The following WDR17 variants were observed in gnomAD, a reference collection of about 807,000 sequenced individuals.
The protein encoded by WDR17 is WD repeat-containing protein 17.
A neutral mutation model predicts 161.7 loss-of-function variants in WDR17; 143 were observed. The observed-to-expected ratio is 0.88, with a 90% CI of 0.77 to 1.02. WDR17 has a LOEUF of 1.02. Among genes scored for constraint, WDR17 ranks in the 50% least tolerant of loss-of-function variants. WDR17 has a pLI of 0.00. For missense variants in WDR17, 1,469 were observed against 1,520.9 expected (o/e 0.97, Z 0.57); for synonymous variants, 517 against 515.6 (o/e 1.00, Z -0.04).
Position 176,163,077 on chromosome 4 carries a change from C to A in WDR17, c.2851-77C>A, listed in dbSNP as rs777839579. On this transcript the variant is annotated intron_variant, in intron 21 of 28. Transcript: ENST00000508596. ...TTATAGGTTAATACTGCTTTATCTGCTTTATGAGCTTGGAGGGGAATGATG... is the reference window on the plus strand; with the variant it reads ...TTATAGGTTAATACTGCTTTATCTGATTTATGAGCTTGGAGGGGAATGATG... The A allele has an allele frequency of 1.9e-6, 3 of 1,551,416 alleles. No individual in the cohort carries two copies. In the East Asian group the frequency reaches 6.7e-5, roughly 35 times the overall value.
intron 26 of WDR17, 144 bp from the exon 27 acceptor site, chr4:176,176,914 A>G (rs1191419276): frequency 3.5e-6 from 2 of 578,332 alleles, no homozygotes; most frequent in East Asian, 2.9e-5. Flanking sequence ...ATATACTAGA[A>G]AATATTCTAT....
At chr4:176,092,877 A>C (rs767154127) in intron 1 of WDR17, among the ~76,000 whole-genome samples, 7 of 152,112 alleles carry the variant, frequency 4.6e-5, no homozygotes, top group Non-Finnish European at 1.0e-4. Context: ...AGCCGTCTCT[A>C]CTAAAAATAC....
chr4:176,148,887 A>G (rs1435951265), intron 13 of WDR17, among the ~76,000 whole-genome samples: 1 of 152,118 alleles, frequency 6.6e-6, no homozygotes, highest in Non-Finnish European at 1.5e-5. Context: ...GTTTGTATTT[A>G]TTCTCATCCT....
chr4:176,132,767 G>C (rs778299208), intron 7 of WDR17, among the ~76,000 whole-genome samples: 1 of 150,900 alleles, frequency 6.6e-6, no homozygotes, highest in East Asian at 1.9e-4. Context: ...TAAACTTTTT[G>C]TATACTTCAA....
rs376684760 is a variant in WDR17 at position 176,152,004 on chromosome 4, A to G, written c.2460+37A>G. The G allele has an allele frequency of 3.2e-6, 5 of 1,585,224 alleles. No individual in the cohort carries two copies. The African/African-American group carries it at 5.5e-5, about 17-fold the overall frequency. The stretch of plus-strand genomic sequence containing the variant: ...TGAAAGTAAAACTAATGAGTTTAAC[A>G]TAGTAGTCTAAACGTTAAGAATATA... On this transcript the variant is annotated intron_variant, in intron 17 of 28. Transcript: ENST00000508596.
chr4:176,102,589 A>G (rs906121873), intron 1 of WDR17, among the ~76,000 whole-genome samples: 26 of 152,264 alleles, frequency 1.7e-4, no homozygotes, highest in Non-Finnish European at 3.4e-4. Flanking sequence ...ACACAGAAGC[A>G]ACAAGTATGT....
intron 18 of WDR17, among the ~76,000 whole-genome samples, chr4:176,159,249 G>A (rs1211949521): frequency 8.8e-5 from 13 of 147,762 alleles, no homozygotes; most frequent in South Asian, 4.3e-4. Context: ...TACCTGAGAC[G>A]TAGATGGGAA....
At chr4:176,142,224 C>A (rs889546481) in intron 11 of WDR17, among the ~76,000 whole-genome samples, 155 bp downstream of exon 11, 1 of 152,076 alleles carries the variant, frequency 6.6e-6, no homozygotes, top group Non-Finnish European at 1.5e-5. Context: ...TGTAATTGCT[C>A]ATTTATTTTA....
At chr4:176,168,201 A>G (rs1015390918) in intron 22 of WDR17, among the ~76,000 whole-genome samples, 3 of 152,168 alleles carry the variant, frequency 2.0e-5, no homozygotes, top group Admixed American at 6.5e-5. Context: ...TCCACTTATC[A>G]TGTAAGAAAT....
At chr4:176,147,049 TACAG>T (rs1399540157) in intron 12 of WDR17, among the ~76,000 whole-genome samples, 1 of 151,946 alleles carries the variant, frequency 6.6e-6, no homozygotes, top group Non-Finnish European at 1.5e-5. Context: ...GTATTTTTGG[TACAG>T]ACAGGGTTTC....
At chr4:176,148,562 T>C (rs1746572447) in intron 13 of WDR17, among the ~76,000 whole-genome samples, 1 of 152,248 alleles carries the variant, frequency 6.6e-6, no homozygotes, top group South Asian at 2.1e-4. Context: ...CTGTGTTGTC[T>C]TTCTCCCCAC....
chr4:176,104,420 AT>A (rs1055674881), intron 1 of WDR17, among the ~76,000 whole-genome samples: 2 of 152,104 alleles, frequency 1.3e-5, no homozygotes, highest in Non-Finnish European at 1.5e-5. Context: ...ATTTAAGAGA[AT>A]AAAATATTTT....
chr4:176,088,973 A>G (rs149243462), intron 1 of WDR17, among the ~76,000 whole-genome samples: 13 of 152,278 alleles, frequency 8.5e-5, no homozygotes, highest in African/African-American at 2.6e-4. Context: ...ACTAATGGAA[A>G]AGTGAAAAGG....
intron 3 of WDR17, among the ~76,000 whole-genome samples, chr4:176,118,007 T>G (rs7673622): frequency 0.32 from 48,622 of 151,918 alleles, 8,571 homozygotes; most frequent in East Asian, 0.43. Context: ...CTCTGTATTT[T>G]TACTTCTTCT....
At chr4:176,066,854 A>G (rs1174670940) in intron 1 of WDR17, among the ~76,000 whole-genome samples, 1 of 152,094 alleles carries the variant, frequency 6.6e-6, no homozygotes, top group Non-Finnish European at 1.5e-5. Flanking sequence ...AACTATCAAA[A>G]AAACACAAGT....
chr4:176,175,508 T>C (rs1186434022), intron 26 of WDR17, among the ~76,000 whole-genome samples: 1 of 151,838 alleles, frequency 6.6e-6, no homozygotes, highest in Non-Finnish European at 1.5e-5. Flanking sequence ...TTTTAACAAA[T>C]GCAGAGGGTC....
intron 22 of WDR17, among the ~76,000 whole-genome samples, chr4:176,164,582 T>C (rs1236857928): frequency 6.6e-6 from 1 of 152,142 alleles, no homozygotes; most frequent in Admixed American, 6.5e-5. Flanking sequence ...TCCAAAAAAG[T>C]CTGAAATCTG....
Position 176,146,175 on chromosome 4 carries a change from T to C in WDR17, c.1694+16T>C. On this transcript the variant is annotated intron_variant, in intron 12 of 28. Transcript: ENST00000508596. ...CTGATGATGGGTATGTATTTTTGGA[T>C]TCTAATTTTCTAGTCCTTAAAATCA... 6.2e-7 allele frequency: 1 copy of C among 1,606,776 alleles called. No homozygotes were observed. Among genetic ancestry groups the C allele is most frequent in the Non-Finnish European group, 8.5e-7 (1 of 1,176,714 alleles).
intron 12 of WDR17, 113 bp from the exon 13 acceptor site, chr4:176,148,020 A>T: frequency 2.6e-6 from 2 of 770,536 alleles, no homozygotes; most frequent in Non-Finnish European, 3.9e-6. Flanking sequence ...CTTGAGACAT[A>T]AAATGCTTCT....
Sources: gnomAD v4.1 joint callset for allele counts (sites outside exome capture counted in the v4.1 genomes callset) on GRCh38, gnomAD v4.1.1 for gene constraint, MANE v1.5 for transcripts, NCBI Gene and HGNC (gene_info 2026-07-23, HGNC 2026-07-21) for gene names.